Variants in SLC6A19 observed in about 807,000 individuals in gnomAD.
SLC6A19 encodes sodium-dependent neutral amino acid transporter B(0)AT1.
SLC6A19 carries 67 observed loss-of-function variants against 68.3 expected under a neutral mutation model. The ratio of observed to expected loss-of-function variants is 0.98; its 90% CI spans 0.81 to 1.20. SLC6A19 has a LOEUF of 1.20. Ranked by LOEUF, SLC6A19 falls within the 50% of genes most tolerant of loss-of-function variation. The pLI is 0.00. For missense variants in SLC6A19, 813 were observed against 851.6 expected (o/e 0.95, Z 0.56); for synonymous variants, 392 against 374.9 (o/e 1.05, Z -0.53).
At position 1,214,723 on chromosome 5, in the gene SLC6A19, G is replaced by A. The variant is rs1388261951; in HGVS notation, c.887+658G>A. 1.3e-5 allele frequency among the ~76,000 whole-genome samples: 2 copies of A among 151,892 alleles called. No individual in the cohort carries two copies. The highest frequency in any genetic ancestry group is 6.6e-5 in the Admixed American group (1 of 15,256). On this transcript the variant is annotated intron_variant, in intron 6 of 11. Coordinates refer to ENST00000304460, the MANE Select transcript of SLC6A19 (RefSeq NM_001003841.3). The surrounding 1 kb of genome is among the most constrained non-coding windows in gnomAD (Gnocchi z 7.4). ...AATTTCAGAGCAGAAGGGGCTGGGGGTGAGGGAGGACTCCTAGGGGTCAGG... is the reference window on the plus strand; with the variant it reads ...AATTTCAGAGCAGAAGGGGCTGGGGATGAGGGAGGACTCCTAGGGGTCAGG...
Position 1,212,154 on chromosome 5 carries a change from A to G in SLC6A19, c.482-149A>G. On this transcript the variant is annotated intron_variant, in intron 3 of 11. Coordinates refer to ENST00000304460, the MANE Select transcript of SLC6A19 (RefSeq NM_001003841.3). This position sits in a 1 kb window ranked among gnomAD's most constrained non-coding sequence, Gnocchi z 5.1. ...TGCATGCATGTGCGTGCACGTGAGC[A>G]TGTGTGCCTGTGTTCATGTGCACGT... The G allele has an allele frequency of 1.1e-6, 1 of 896,842 alleles. No homozygotes were observed. The highest frequency in any genetic ancestry group is 2.6e-5 in the East Asian group (1 of 38,720). 55.6% of individuals were successfully genotyped at this position (896,842 alleles called of 1,614,324 possible). A position where few individuals can be genotyped will look rare whatever the true frequency, so the allele number is the denominator to read the frequency against.
At position 1,212,621 on chromosome 5, in the gene SLC6A19, T is replaced by G; in HGVS notation, c.663+137T>G. The G allele has an allele frequency of 6.0e-6, 7 of 1,162,836 alleles. No individual in the cohort carries two copies. Among genetic ancestry groups the G allele is most frequent in the Non-Finnish European group, 8.6e-6 (7 of 815,408 alleles). The allele number at this position is 1,162,836 out of a possible 1,614,324, so 72.0% of individuals were successfully genotyped here. A position where few individuals can be genotyped will look rare whatever the true frequency, so the allele number is the denominator to read the frequency against. The stretch of plus-strand genomic sequence containing the variant: ...TTTCCCCAGACCCCACCAAGAGAGC[T>G]GCCTTTGCCCTTAGGCTCACTGGCC... On this transcript the variant is annotated intron_variant, in intron 4 of 11. Coordinates refer to ENST00000304460, the MANE Select transcript of SLC6A19 (RefSeq NM_001003841.3). This position sits in a 1 kb window ranked among gnomAD's most constrained non-coding sequence, Gnocchi z 5.1.
At chr5:1,219,131 C>A in intron 9 of SLC6A19, 24 bp downstream of exon 9, 2 of 1,594,124 alleles carry the variant, frequency 1.3e-6, no homozygotes, top group Non-Finnish European at 1.7e-6. Context: ...CGGGAGGGGT[C>A]CCCATGGCAA....
chr5:1,210,184 G>C (rs969414162), intron 2 of SLC6A19, among the ~76,000 whole-genome samples: 5 of 152,234 alleles, frequency 3.3e-5, no homozygotes, highest in Admixed American at 6.5e-5. Flanking sequence ...AGGCAGGCAT[G>C]TGCCAGGAAG....
At chr5:1,213,655 C>T in intron 5 of SLC6A19, 82 bp downstream of exon 5, 1 of 1,356,690 alleles carries the variant, frequency 7.4e-7, no homozygotes, top group Non-Finnish European at 1.0e-6. Context: ...AATACCAGCT[C>T]TCACCCACGG....
At chr5:1,208,179 C>T (rs781347187) in intron 1 of SLC6A19, among the ~76,000 whole-genome samples, 19 of 152,174 alleles carry the variant, frequency 1.2e-4, no homozygotes, top group East Asian at 3.8e-4. Flanking sequence ...AGAACCAAAA[C>T]GGTCCCCATT....
In SLC6A19 at chr5:1,212,487, A is replaced by G. The variant is rs1746071756; in HGVS notation, c.663+3A>G. 6.2e-7 allele frequency: 1 copy of G among 1,606,152 alleles called. No individual in the cohort carries two copies. Among genetic ancestry groups the G allele is most frequent in the Non-Finnish European group, 8.5e-7 (1 of 1,179,796 alleles). On this transcript the variant is annotated splice_donor_region_variant and intron_variant, in intron 4 of 11. Coordinates refer to ENST00000304460, the MANE Select transcript of SLC6A19 (RefSeq NM_001003841.3). The surrounding 1 kb of genome is among the most constrained non-coding windows in gnomAD (Gnocchi z 5.1). ...GCGGCATCGAGACCACCGGGAAGGTACTGCATGGGCCCGGCCAGGCTGCAG... is the reference window on the plus strand; with the variant it reads ...GCGGCATCGAGACCACCGGGAAGGTGCTGCATGGGCCCGGCCAGGCTGCAG...
Position 1,223,991 on chromosome 5 carries a change from C to A in SLC6A19, c.*2087C>A, listed in dbSNP as rs2126519416. ...GACATATCACAGCCTCTGCCCCCGG[C>A]TGTGATGCCACCGAGGGGCTCGCCT... On this transcript the variant is annotated 3_prime_UTR_variant, in exon 12 of 12. Transcript: ENST00000304460. 1 of 152,408 alleles carries A rather than the reference C, an allele frequency of 6.6e-6. No individual in the cohort carries two copies. The highest frequency in any genetic ancestry group is 2.4e-5 in the African/African-American group (1 of 41,598). 9.4% of individuals were successfully genotyped at this position (152,408 alleles called of 1,614,324 possible).
In SLC6A19 at chr5:1,218,888, G is replaced by T; in HGVS notation, c.1174-15G>T. On this transcript the variant is annotated splice_polypyrimidine_tract_variant and intron_variant, in intron 8 of 11. Transcript: ENST00000304460. ...GGAGGGCAGAGGCCCTGGTGACTGTGTGTCATCCGTGCAGGCCGTGGAGGG... is the reference window on the plus strand; with the variant it reads ...GGAGGGCAGAGGCCCTGGTGACTGTTTGTCATCCGTGCAGGCCGTGGAGGG... The T allele has an allele frequency of 6.2e-7, 1 of 1,611,304 alleles. No individual in the cohort carries two copies. Among genetic ancestry groups the T allele is most frequent in the Non-Finnish European group, 8.5e-7 (1 of 1,179,146 alleles).
In SLC6A19 at chr5:1,201,660, C is replaced by T. The variant is rs1745701465; in HGVS notation, c.10C>T (p.Leu4Phe). 4.4e-6 allele frequency: 7 copies of T among 1,606,666 alleles called. No homozygotes were observed. In the East Asian group the frequency reaches 1.3e-4, roughly 31 times the overall value. Reference protein sequence around the residue: MVRLVLPNPGLDAR... With the variant: MVRFVLPNPGLDAR... ...CCGTCCAGCGACCACCATGGTGAGG[C>T]TCGTGCTGCCCAACCCCGGCCTAGA... The change falls in exon 1 of 12, where the codon CTC (leucine) becomes TTC (phenylalanine). Residue 4 changes from leucine (L) to phenylalanine (F), a missense_variant. Coordinates refer to ENST00000304460, the MANE Select transcript of SLC6A19 (RefSeq NM_001003841.3).
chr5:1,221,077 C>A, intron 10 of SLC6A19, 74 bp from the exon 11 acceptor site: 1 of 1,560,488 alleles, frequency 6.4e-7, no homozygotes, highest in East Asian at 2.4e-5. Flanking sequence ...GTTCGGGTAG[C>A]AGAACGTACA....
intron 4 of SLC6A19, among the ~76,000 whole-genome samples, chr5:1,213,073 G>A (rs1468777225): frequency 1.5e-4 from 14 of 91,200 alleles, no homozygotes; most frequent in East Asian, 3.9e-4. Flanking sequence ...CCTGCCTCCC[G>A]TCCCCACCCG....
In SLC6A19 at chr5:1,213,993, G is replaced by T. The variant is rs754079936; in HGVS notation, c.815G>T (p.Gly272Val). 1.9e-6 allele frequency: 3 copies of T among 1,613,512 alleles called. No homozygotes were observed. Among genetic ancestry groups the T allele is most frequent in the East Asian group, 2.2e-5 (1 of 44,892 alleles). ...LAQPDTWLDA[G>V]AQVFFSFSLA... Reference sequence around the variant, plus strand: ...CAGCCGGACACCTGGCTGGACGCGGGCGCACAGGTCTTCTTCTCCTTCTCC... The same window carrying T: ...CAGCCGGACACCTGGCTGGACGCGGTCGCACAGGTCTTCTTCTCCTTCTCC... The change falls in exon 6 of 12, where the codon GGC (glycine) becomes GTC (valine). Residue 272 changes from glycine (G) to valine (V), a missense_variant. Gly to Val is a moderately radical substitution (Grantham distance 109). Transcript: ENST00000304460.
chr5:1,204,133 G>A (rs867820423), intron 1 of SLC6A19, among the ~76,000 whole-genome samples: 4 of 152,214 alleles, frequency 2.6e-5, no homozygotes, highest in African/African-American at 7.2e-5. Context: ...CCAAATCGAG[G>A]GGAAGCAGGC....
rs1746408606 is a variant in SLC6A19 at position 1,222,250 on chromosome 5, G to A, written c.*346G>A. On this transcript the variant is annotated 3_prime_UTR_variant, in exon 12 of 12. Coordinates refer to ENST00000304460, the MANE Select transcript of SLC6A19 (RefSeq NM_001003841.3). ...TGTGCAAGTGTGCATGCATATACAT[G>A]TGTGCGATATTTGCTGCCCGTGTGT... 1 of 569,678 alleles carries A rather than the reference G, an allele frequency of 1.8e-6. No homozygotes were observed. Among genetic ancestry groups the A allele is most frequent in the Admixed American group, 3.2e-5 (1 of 31,578 alleles). The allele number at this position is 569,678 out of a possible 1,614,324, so 35.3% of individuals were successfully genotyped here.
rs374845053 is a variant in SLC6A19, at chr5:1,222,498, C to A, written c.*594C>A. The stretch of plus-strand genomic sequence containing the variant: ...CACATGTGTATATGTACATGTATGC[C>A]TGTGTGACGTGTGTATATGTGAGCA... On this transcript the variant is annotated 3_prime_UTR_variant, in exon 12 of 12. Transcript: ENST00000304460. The A allele has an allele frequency of 2.2e-4, 90 of 418,452 alleles. 1 individual carries two copies. In the South Asian group the frequency reaches 8.7e-3, roughly 40 times the overall value. 25.9% of individuals were successfully genotyped at this position (418,452 alleles called of 1,614,324 possible).
chr5:1,212,553 G>A lies in SLC6A19; in HGVS notation c.663+69G>A, dbSNP rs967402509. ...GGTGCGGGCAGCCCTGCCTCCGGCCGGCTGCACTCTAAAACCCAGGTCTGG... is the reference window on the plus strand; with the variant it reads ...GGTGCGGGCAGCCCTGCCTCCGGCCAGCTGCACTCTAAAACCCAGGTCTGG... On this transcript the variant is annotated intron_variant, in intron 4 of 11. Transcript: ENST00000304460. The surrounding 1 kb of genome is among the most constrained non-coding windows in gnomAD (Gnocchi z 5.1). The A allele has an allele frequency of 5.0e-5, 80 of 1,584,424 alleles. 1 individual carries two copies. The African/African-American group carries it at 9.3e-4, about 18-fold the overall frequency.
chr5:1,220,422 A>AG (rs1746343069), intron 10 of SLC6A19, among the ~76,000 whole-genome samples: 1 of 151,664 alleles, frequency 6.6e-6, no homozygotes, highest in South Asian at 2.1e-4. Context: ...AAAAAAAAAA[A>AG]AAAAAGAGGA....
rs1746081029 is a variant in SLC6A19, at chr5:1,212,789, T to C, written c.663+305T>C. Among the ~76,000 whole-genome samples the C allele has an allele frequency of 1.3e-5, 2 of 152,214 alleles. No homozygotes were observed. The highest frequency in any genetic ancestry group is 4.8e-5 in the African/African-American group (2 of 41,500). Reference sequence around the variant, plus strand: ...AGAAAGAGATAGACGATGATGATGATGATGGTGATGATGGTGATGATAAAA... The same window carrying C: ...AGAAAGAGATAGACGATGATGATGACGATGGTGATGATGGTGATGATAAAA... On this transcript the variant is annotated intron_variant, in intron 4 of 11. Transcript: ENST00000304460. This position sits in a 1 kb window ranked among gnomAD's most constrained non-coding sequence, Gnocchi z 5.1.
Sources: allele counts gnomAD v4.1 joint callset (sites outside exome capture counted in the v4.1 genomes callset), GRCh38; gene constraint gnomAD v4.1.1; non-coding constraint Gnocchi (gnomAD v3.1); transcripts MANE v1.5; gene names NCBI Gene and HGNC (gene_info 2026-07-23, HGNC 2026-07-21).